The following NRG3 variants were observed in gnomAD, a reference collection of about 807,000 sequenced individuals.
The protein encoded by NRG3 is neuregulin 3.
In NRG3, 31 loss-of-function variants were observed where a neutral mutation model predicts 66.9. The ratio of observed to expected loss-of-function variants is 0.46; its 90% CI spans 0.35 to 0.63. The LOEUF is 0.63. Among genes scored for constraint, NRG3 ranks in the 20% least tolerant of loss-of-function variants. The pLI is 0.00. For synonymous variants in NRG3, 393 were observed against 359.4 expected, an observed-to-expected ratio of 1.09 and a Z score of -1.06; for missense variants, 910 against 878.9, an observed-to-expected ratio of 1.04 and a Z score of -0.45.
chr10:82,497,361 A>C (rs1283535612), intron 2 of NRG3, among the ~76,000 whole-genome samples: 7 of 152,130 alleles, frequency 4.6e-5, no homozygotes, highest in Admixed American at 2.6e-4. Context: ...AGTTTTTGAA[A>C]ATTTTATTAT....
intron 2 of NRG3, among the ~76,000 whole-genome samples, chr10:82,576,815 T>C (rs2046060122): frequency 6.6e-6 from 1 of 151,676 alleles, no homozygotes; most frequent in African/African-American, 2.4e-5. Flanking sequence ...TGAGACATAA[T>C]AGGTTTGTTA....
At chr10:82,651,535 A>G (rs1184733030) in intron 2 of NRG3, among the ~76,000 whole-genome samples, 2 of 152,230 alleles carry the variant, frequency 1.3e-5, no homozygotes, top group Admixed American at 6.5e-5. Context: ...CCTGTGGAGA[A>G]GCCTACATGA....
chr10:82,017,978 C>T (rs1486087353), intron 1 of NRG3, among the ~76,000 whole-genome samples: 1 of 152,016 alleles, frequency 6.6e-6, no homozygotes, highest in Non-Finnish European at 1.5e-5. Flanking sequence ...CTTTTTTTGC[C>T]ATAGCTTTTG....
intron 1 of NRG3, among the ~76,000 whole-genome samples, chr10:82,132,494 T>TATATATGAGATATATATG (rs1554831211): frequency 9.0e-5 from 4 of 44,380 alleles, no homozygotes; most frequent in African/African-American, 1.1e-4. Flanking sequence ...ATATATATGA[T>TATATATGAGATATATATG]ATATATATAT....
chr10:82,302,193 A>G lies in NRG3; in HGVS notation c.824-56546A>G, dbSNP rs903585245. Among the ~76,000 whole-genome samples, 3 of 152,112 alleles carry G rather than the reference A, an allele frequency of 2.0e-5. No individual in the cohort carries two copies. In the East Asian group the frequency reaches 5.8e-4, roughly 29 times the overall value. On this transcript the variant is annotated intron_variant, in intron 1 of 8. Coordinates refer to ENST00000372141, the MANE Select transcript of NRG3 (RefSeq NM_001010848.4). ...AGAAAAAGTTAATGTAGTACTTTAC[A>G]TGAAATTTTTGCTGAAACCTGTATT...
chr10:82,940,552 T>C (rs1848496073), intron 4 of NRG3, among the ~76,000 whole-genome samples: 1 of 152,184 alleles, frequency 6.6e-6, no homozygotes, highest in Non-Finnish European at 1.5e-5. Flanking sequence ...AGACCCTTTC[T>C]TAGTCCATCT....
intron 3 of NRG3, among the ~76,000 whole-genome samples, chr10:82,777,579 A>T (rs777455908): frequency 9.9e-5 from 15 of 152,140 alleles, no homozygotes; most frequent in Non-Finnish European, 1.8e-4. Flanking sequence ...AACCAAGAGA[A>T]CAGGGAGGTA....
intron 3 of NRG3, among the ~76,000 whole-genome samples, chr10:82,816,830 T>C (rs1231544779): frequency 6.6e-6 from 1 of 152,218 alleles, no homozygotes; most frequent in East Asian, 1.9e-4. Flanking sequence ...CTTCTCCTGC[T>C]GCAACTGGCA....
At chr10:82,670,170 T>G (rs2053153232) in intron 2 of NRG3, among the ~76,000 whole-genome samples, 1 of 152,134 alleles carries the variant, frequency 6.6e-6, no homozygotes, top group African/African-American at 2.4e-5. Flanking sequence ...TCTCCCTCCC[T>G]CTGTCATTTC....
chr10:82,122,043 C>A (rs1174363518), intron 1 of NRG3, among the ~76,000 whole-genome samples: 2 of 152,090 alleles, frequency 1.3e-5, no homozygotes, highest in African/African-American at 2.4e-5. Flanking sequence ...GTAAGTCATT[C>A]TCAAGGTCAT....
intron 2 of NRG3, among the ~76,000 whole-genome samples, chr10:82,681,141 A>G (rs1277493682): frequency 1.3e-5 from 2 of 152,100 alleles, no homozygotes; most frequent in Admixed American, 6.6e-5. Context: ...TCATGTGAGG[A>G]AAAAAAACTG....
chr10:81,902,259 C>T (rs1194597549), intron 1 of NRG3, among the ~76,000 whole-genome samples: 2 of 151,792 alleles, frequency 1.3e-5, no homozygotes, highest in Admixed American at 6.6e-5. Context: ...AGGATTTTCT[C>T]GAGGTAATGG....
At chr10:82,041,428 G>A (rs562062314) in intron 1 of NRG3, among the ~76,000 whole-genome samples, 69 of 151,892 alleles carry the variant, frequency 4.5e-4, no homozygotes, top group Non-Finnish European at 8.8e-4. Context: ...ACTTCCTGGG[G>A]CAAATGGCTT....
chr10:82,423,068 A>C (rs749482769), intron 2 of NRG3, among the ~76,000 whole-genome samples: 7 of 151,970 alleles, frequency 4.6e-5, no homozygotes, highest in Admixed American at 1.3e-4. Context: ...GTTTGTGCAC[A>C]TCAATAGAAT....
chr10:82,628,309 A>AT (rs1267860077), intron 2 of NRG3, among the ~76,000 whole-genome samples: 1 of 152,074 alleles, frequency 6.6e-6, no homozygotes, highest in Admixed American at 6.6e-5. Flanking sequence ...AGGAGACGTT[A>AT]TTTTTTTAAT....
intron 1 of NRG3, among the ~76,000 whole-genome samples, chr10:82,279,139 T>A (rs1489020164): frequency 1.3e-5 from 2 of 152,156 alleles, no homozygotes; most frequent in African/African-American, 4.8e-5. Flanking sequence ...AATAGTCATT[T>A]CACAGGAAGA....
intron 1 of NRG3, among the ~76,000 whole-genome samples, chr10:82,286,151 G>A (rs1353169250): frequency 2.0e-5 from 3 of 152,106 alleles, no homozygotes; most frequent in Non-Finnish European, 4.4e-5. Flanking sequence ...AGGTAGGAAG[G>A]GTAAGAGTCT....
chr10:82,249,458 A>G (rs954825264), intron 1 of NRG3, among the ~76,000 whole-genome samples: 4 of 152,160 alleles, frequency 2.6e-5, no homozygotes, highest in Admixed American at 1.3e-4. Context: ...TAGGATTTAG[A>G]TGTTGTTTAT....
At chr10:82,267,428 A>G (rs1019435868) in intron 1 of NRG3, among the ~76,000 whole-genome samples, 2 of 152,158 alleles carry the variant, frequency 1.3e-5, no homozygotes, top group African/African-American at 4.8e-5. Context: ...GGCAGGTCTC[A>G]AGAAAGGAAA....
Sources: allele counts gnomAD v4.1 joint callset (sites outside exome capture counted in the v4.1 genomes callset), GRCh38; gene constraint gnomAD v4.1.1; transcripts MANE v1.5; gene names NCBI Gene and HGNC (gene_info 2026-07-23, HGNC 2026-07-21).